The following RANBP2 variants were observed in gnomAD, a reference collection of about 807,000 sequenced individuals.
RANBP2 encodes the protein RAN binding protein 2, also known as E3 SUMO-protein ligase RanBP2.
RANBP2 carries 57 observed loss-of-function variants against 303.6 expected under a neutral mutation model. The observed-to-expected ratio is 0.19, with a 90% CI of 0.15 to 0.23. RANBP2 has a LOEUF of 0.23. Among genes scored for constraint, RANBP2 ranks in the 10% least tolerant of loss-of-function variants. RANBP2 has a pLI of 1.00. For missense variants in RANBP2, 3,138 were observed against 3,780.8 expected (o/e 0.83, Z 4.46); for synonymous variants, 1,167 against 1,301.5 (o/e 0.90, Z 2.23).
the RANBP2 span, among the ~76,000 whole-genome samples, chr2:108,834,315 C>G: frequency 9.5e-4 from 144 of 151,472 alleles, no homozygotes; most frequent in African/African-American, 3.3e-3. Flanking sequence ...CAAGTTCAAG[C>G]AATTCTCTTG....
the RANBP2 span, among the ~76,000 whole-genome samples, chr2:109,592,662 C>A: frequency 6.6e-6 from 1 of 151,086 alleles, no homozygotes; most frequent in East Asian, 1.9e-4. Flanking sequence ...CACCTGTGAT[C>A]CCAGCTACTC....
chr2:109,477,615 T>G, the RANBP2 span, among the ~76,000 whole-genome samples: 10 of 35,570 alleles, frequency 2.8e-4, no homozygotes, highest in East Asian at 8.7e-4. Context: ...CACAGATGGG[T>G]GTGTGTGTGT....
the RANBP2 span, among the ~76,000 whole-genome samples, chr2:109,158,185 G>A: frequency 1.3e-5 from 2 of 152,192 alleles, no homozygotes; most frequent in Admixed American, 1.3e-4. Context: ...ACGACTGCAA[G>A]CTGTGCTGGG....
At chr2:109,286,940 G>T in the RANBP2 span, among the ~76,000 whole-genome samples, 1 of 152,182 alleles carries the variant, frequency 6.6e-6, no homozygotes, top group East Asian at 1.9e-4. Context: ...AGCATTTGTG[G>T]ACCCTGCCCA....
chr2:109,422,686 C>G, the RANBP2 span, among the ~76,000 whole-genome samples: 1 of 152,174 alleles, frequency 6.6e-6, no homozygotes, highest in Admixed American at 6.5e-5. Flanking sequence ...TTGTCTGCTC[C>G]TAGAGGCCAT....
At chr2:108,827,494 T>C in the RANBP2 span, among the ~76,000 whole-genome samples, 1 of 152,214 alleles carries the variant, frequency 6.6e-6, no homozygotes, top group African/African-American at 2.4e-5. Flanking sequence ...CATCAGTTCT[T>C]ACTAAATCAA....
chr2:109,404,763 C>A, the RANBP2 span, among the ~76,000 whole-genome samples: 3 of 152,138 alleles, frequency 2.0e-5, no homozygotes, highest in Non-Finnish European at 2.9e-5. Context: ...ATGTGCTCGA[C>A]TCTCTGCAGT....
At chr2:109,191,760 C>T in the RANBP2 span, among the ~76,000 whole-genome samples, 1 of 152,222 alleles carries the variant, frequency 6.6e-6, no homozygotes, top group Non-Finnish European at 1.5e-5. Context: ...CCAGCAGTCA[C>T]AGGGATCACA....
At chr2:109,614,918 G>C in the RANBP2 span, 4 of 1,472,394 alleles carry the variant, frequency 2.7e-6, no homozygotes, top group Non-Finnish European at 3.6e-6. Flanking sequence ...CCGCCCCCGC[G>C]CACTGGCCGC....
the RANBP2 span, among the ~76,000 whole-genome samples, chr2:108,958,546 G>A: frequency 6.6e-6 from 1 of 152,146 alleles, no homozygotes; most frequent in Non-Finnish European, 1.5e-5. Context: ...CTGGACCCAG[G>A]ACGCACAGTA....
the RANBP2 span, among the ~76,000 whole-genome samples, chr2:109,663,424 T>A: frequency 6.6e-6 from 1 of 152,206 alleles, no homozygotes; most frequent in African/African-American, 2.4e-5. Flanking sequence ...GTGCCCTGCT[T>A]CTTGTCCTGG....
At chr2:109,155,913 C>A in the RANBP2 span, among the ~76,000 whole-genome samples, 4 of 152,188 alleles carry the variant, frequency 2.6e-5, no homozygotes, top group African/African-American at 9.7e-5. Flanking sequence ...GTAACAAGTG[C>A]TGTATTGGAT....
At chr2:109,337,462 T>C in the RANBP2 span, among the ~76,000 whole-genome samples, 3 of 152,202 alleles carry the variant, frequency 2.0e-5, no homozygotes, top group Non-Finnish European at 4.4e-5. Flanking sequence ...CGAAATGTTT[T>C]CCTCAAATGG....
chr2:109,288,264 C>T, the RANBP2 span, among the ~76,000 whole-genome samples: 2 of 152,218 alleles, frequency 1.3e-5, no homozygotes, highest in Admixed American at 6.5e-5. Context: ...AGAAGACTGT[C>T]ATTAACTGTA....
At chr2:109,323,209 C>T in the RANBP2 span, among the ~76,000 whole-genome samples, 9 of 152,094 alleles carry the variant, frequency 5.9e-5, no homozygotes, top group African/African-American at 1.9e-4. Context: ...GAAGGAGGGC[C>T]GGGGGCCATC....
At chr2:108,956,793 T>TTG in the RANBP2 span, among the ~76,000 whole-genome samples, 3 of 151,730 alleles carry the variant, frequency 2.0e-5, no homozygotes, top group African/African-American at 4.9e-5. Flanking sequence ...TCTTTTTTTT[T>TTG]TTGTTTTTTT....
the RANBP2 span, among the ~76,000 whole-genome samples, chr2:109,638,632 C>G: frequency 6.6e-6 from 1 of 152,074 alleles, no homozygotes; most frequent in South Asian, 2.1e-4. Context: ...TCCAGATTTC[C>G]CAGGTAATAT....
At chr2:108,749,162 G>T (rs766031531) in intron 9 of RANBP2, 33 bp downstream of exon 9, 3 of 1,611,654 alleles carry the variant, frequency 1.9e-6, no homozygotes, top group African/African-American at 2.7e-5. Flanking sequence ...AATGGTCTCC[G>T]TCTTAATTCT....
At chr2:109,408,225 A>T in the RANBP2 span, among the ~76,000 whole-genome samples, 1 of 152,166 alleles carries the variant, frequency 6.6e-6, no homozygotes, top group Non-Finnish European at 1.5e-5. Context: ...CACACAGTCC[A>T]TGCCTCAGAG....
Sources: allele counts gnomAD v4.1 joint callset (sites outside exome capture counted in the v4.1 genomes callset), GRCh38; gene constraint gnomAD v4.1.1; transcripts MANE v1.5; gene names NCBI Gene and HGNC (gene_info 2026-07-23, HGNC 2026-07-21).